Variants in NHSL2 observed in about 807,000 individuals in gnomAD.
NHSL2 encodes NHS like 2.
In NHSL2, 27 loss-of-function variants were observed where a neutral mutation model predicts 53.4. That is an observed-to-expected ratio of 0.51 (90% CI 0.37 to 0.70). The LOEUF (loss-of-function observed/expected upper bound fraction) is 0.70. Ranked by LOEUF, NHSL2 falls within the 30% of genes least tolerant of loss-of-function variation. NHSL2 has a pLI of 0.00. For synonymous variants in NHSL2, 408 were observed against 404.1 expected, an observed-to-expected ratio of 1.01 and a Z score of -0.12; for missense variants, 892 against 980.1, an observed-to-expected ratio of 0.91 and a Z score of 1.20.
chrX:71,986,657 A>C (rs1458930873), intron 1 of NHSL2, among the ~76,000 whole-genome samples: 2 of 112,502 alleles, frequency 1.8e-5, no homozygotes, highest in East Asian at 5.6e-4. Flanking sequence ...AGTTTTAATT[A>C]GTTTGACCAT....
At chrX:72,046,763 C>T (rs1306190837) in intron 1 of NHSL2, among the ~76,000 whole-genome samples, 1 of 110,342 alleles carries the variant, frequency 9.1e-6, no homozygotes, top group Non-Finnish European at 1.9e-5. Flanking sequence ...GGTGTCTTTA[C>T]ATTGCTGGCA....
chrX:72,144,355 C>A lies in NHSL2; in HGVS notation c.*781C>A. The A allele has an allele frequency of 3.3e-6, 1 of 304,052 alleles. No individual in the cohort carries two copies. Among genetic ancestry groups the A allele is most frequent in the Non-Finnish European group, 6.0e-6 (1 of 167,617 alleles). 25.1% of individuals were successfully genotyped at this position (304,052 alleles called of 1,213,427 possible). A position where few individuals can be genotyped will look rare whatever the true frequency, so the allele number is the denominator to read the frequency against. On this transcript the variant is annotated 3_prime_UTR_variant, in exon 8 of 8. Coordinates refer to ENST00000633930, the MANE Select transcript of NHSL2 (RefSeq NM_001013627.3). ...AAGACAGCCATTTGTTCACTCAGAT[C>A]TAGCCGAGGTAACTCACAAGTGCAC...
At chrX:71,998,744 T>A (rs2042060467) in intron 1 of NHSL2, among the ~76,000 whole-genome samples, 1 of 110,855 alleles carries the variant, frequency 9.0e-6, no homozygotes, top group African/African-American at 3.3e-5. Flanking sequence ...AGGGAGGAGG[T>A]GTCTGGCCGT....
chrX:71,977,589 T>G (rs1044003196), intron 1 of NHSL2, among the ~76,000 whole-genome samples: 15 of 110,969 alleles, frequency 1.4e-4, no homozygotes, highest in Non-Finnish European at 2.6e-4. Flanking sequence ...CCCAGCTAAT[T>G]TTTTGTAGAG....
intron 1 of NHSL2, among the ~76,000 whole-genome samples, chrX:71,982,021 C>A (rs1345849326): frequency 8.9e-6 from 1 of 112,065 alleles, no homozygotes; most frequent in African/African-American, 3.2e-5. Context: ...TAAAAAAAAG[C>A]TTGTACATAA....
chrX:72,118,127 G>A lies in NHSL2; in HGVS notation c.281-13952G>A, dbSNP rs369843804. ...CAAGGGTACCACTTCCTCCACATCC[G>A]CACCAACATTTGTTTGACTTTTTTA... is the stretch of plus-strand genomic sequence containing the variant. On this transcript the variant is annotated intron_variant, in intron 1 of 7. Transcript: ENST00000633930. 6.3e-5 allele frequency among the ~76,000 whole-genome samples: 7 copies of A among 111,299 alleles called. No individual in the cohort carries two copies. In the South Asian group the frequency reaches 1.5e-3, roughly 24 times the overall value.
chrX:72,134,361 C>T, intron 3 of NHSL2, 143 bp downstream of exon 3: 1 of 843,797 alleles, frequency 1.2e-6, no homozygotes, highest in African/African-American at 2.0e-5. Flanking sequence ...ATAGGCCCTG[C>T]ACAGCAGGTG....
intron 1 of NHSL2, among the ~76,000 whole-genome samples, chrX:71,921,928 G>T (rs2147813985): frequency 8.9e-6 from 1 of 112,093 alleles, no homozygotes; most frequent in South Asian, 3.7e-4. Flanking sequence ...GCATAAGAGT[G>T]AAATGTATTA....
At chrX:71,930,248 T>G (rs2041706198) in intron 1 of NHSL2, among the ~76,000 whole-genome samples, 1 of 112,256 alleles carries the variant, frequency 8.9e-6, no homozygotes, top group Admixed American at 9.4e-5. Context: ...TCATTTCTGT[T>G]CCTCACCAAG....
intron 1 of NHSL2, among the ~76,000 whole-genome samples, chrX:72,077,839 G>T (rs2041757076): frequency 8.9e-6 from 1 of 112,326 alleles, no homozygotes; most frequent in African/African-American, 3.2e-5. Flanking sequence ...AGGAGCAGCA[G>T]TGTTTTAGAA....
At chrX:72,000,930 G>A (rs1602303430) in intron 1 of NHSL2, among the ~76,000 whole-genome samples, 1 of 112,363 alleles carries the variant, frequency 8.9e-6, no homozygotes, top group East Asian at 2.8e-4. Flanking sequence ...GGACATCGTT[G>A]TGGGGGCTAT....
chrX:72,017,290 C>T (rs140398634), intron 1 of NHSL2, among the ~76,000 whole-genome samples: 3,048 of 112,298 alleles, frequency 0.027, 45 homozygotes, highest in Non-Finnish European at 0.038. Context: ...TTGTGGGGTG[C>T]TGACACCTGG....
chrX:72,111,859 A>T (rs2042096310), intron 1 of NHSL2, among the ~76,000 whole-genome samples: 1 of 111,547 alleles, frequency 9.0e-6, no homozygotes, highest in Non-Finnish European at 1.9e-5. Context: ...GACCTCAGGG[A>T]GCTTACAGTC....
intron 1 of NHSL2, among the ~76,000 whole-genome samples, chrX:72,101,726 C>T (rs960910733): frequency 1.0e-4 from 11 of 110,212 alleles, no homozygotes; most frequent in African/African-American, 3.6e-4. Flanking sequence ...ATTACCAGGC[C>T]GAGGAGTGGA....
chrX:72,148,571 T>C lies in NHSL2; in HGVS notation c.*4997T>C, dbSNP rs146512131. The C allele has an allele frequency of 2.4e-4, 27 of 112,195 alleles. No homozygotes were observed. Among genetic ancestry groups the C allele is most frequent in the African/African-American group, 7.1e-4 (22 of 30,901 alleles). The allele number at this position is 112,195 out of a possible 1,213,427, so 9.2% of individuals were successfully genotyped here. A position where few individuals can be genotyped will look rare whatever the true frequency, so the allele number is the denominator to read the frequency against. ...CAAAAGGCAGCAAAAAGTATAATGATATAAACATAATATGAAATAAGCAAA... is the reference window on the plus strand; with the variant it reads ...CAAAAGGCAGCAAAAAGTATAATGACATAAACATAATATGAAATAAGCAAA... On this transcript the variant is annotated 3_prime_UTR_variant, in exon 8 of 8. Coordinates refer to ENST00000633930, the MANE Select transcript of NHSL2 (RefSeq NM_001013627.3).
chrX:72,037,194 C>T (rs1286977520), intron 1 of NHSL2, among the ~76,000 whole-genome samples: 3 of 111,813 alleles, frequency 2.7e-5, no homozygotes, highest in Non-Finnish European at 5.6e-5. Flanking sequence ...CTGAGGCAGG[C>T]AGATCACAAG....
intron 1 of NHSL2, among the ~76,000 whole-genome samples, chrX:72,126,171 T>C (rs1297389805): frequency 8.9e-6 from 1 of 111,757 alleles, no homozygotes; most frequent in Non-Finnish European, 1.9e-5. Flanking sequence ...TCCCTTCCTC[T>C]TAAAGGGACA....
chrX:72,065,609 C>T (rs1451550050), intron 1 of NHSL2, among the ~76,000 whole-genome samples: 1 of 111,413 alleles, frequency 9.0e-6, no homozygotes, highest in Non-Finnish European at 1.9e-5. Context: ...GTTTAGCAAG[C>T]ACCTACTATG....
At chrX:71,953,378 G>A (rs768325991) in intron 1 of NHSL2, among the ~76,000 whole-genome samples, 2 of 112,131 alleles carry the variant, frequency 1.8e-5, no homozygotes, top group Non-Finnish European at 3.8e-5. Flanking sequence ...GTTTACTTTC[G>A]TAGTTTCCTT....
Sources: gnomAD v4.1 joint callset for allele counts (sites outside exome capture counted in the v4.1 genomes callset) on GRCh38, gnomAD v4.1.1 for gene constraint, MANE v1.5 for transcripts, NCBI Gene and HGNC (gene_info 2026-07-23, HGNC 2026-07-21) for gene names.